The following CARMIL1 variants were observed in gnomAD, a reference collection of about 807,000 sequenced individuals.
CARMIL1 encodes capping protein regulator and myosin 1 linker 1, also known as F-actin-uncapping protein LRRC16A.
Under a neutral mutation model 177.1 loss-of-function variants are expected in CARMIL1, and 90 were observed. That is an observed-to-expected ratio of 0.51 (90% CI 0.43 to 0.61). The LOEUF (loss-of-function observed/expected upper bound fraction) is 0.61. Ranked by LOEUF, CARMIL1 falls within the 20% of genes least tolerant of loss-of-function variation. The pLI, the probability that CARMIL1 is intolerant of heterozygous loss-of-function variation, is 0.00. For missense variants in CARMIL1, 1,380 were observed against 1,667.0 expected (o/e 0.83, Z 3.00); for synonymous variants, 577 against 606.2 (o/e 0.95, Z 0.71).
chr6:25,468,358 T>A (rs1434964092), intron 9 of CARMIL1, among the ~76,000 whole-genome samples: 2 of 152,324 alleles, frequency 1.3e-5, no homozygotes, highest in Middle Eastern at 3.4e-3. Context: ...CTTTAGGGAA[T>A]GACATGCTGG....
chr6:25,537,754 G>A, intron 24 of CARMIL1, 101 bp from the exon 25 acceptor site: 1 of 1,407,066 alleles, frequency 7.1e-7, no homozygotes, highest in Non-Finnish European at 9.7e-7. Context: ...GCATTCTGTG[G>A]TTTGCTGAAG....
rs1363912656 is a variant in CARMIL1 at position 25,390,309 on chromosome 6, TATATATA to T, written c.139-29804_139-29798del. Reference sequence around the variant, plus strand: ...ATATATTTACATATATATATATATATATATATATATATTTTTTTTTTTTTTTTTTTGA... The same window carrying T: ...ATATATTTACATATATATATATATATTATATTTTTTTTTTTTTTTTTTTGA... On this transcript the variant is annotated intron_variant, in intron 2 of 36. Transcript: ENST00000329474. Among the ~76,000 whole-genome samples the T allele has an allele frequency of 8.1e-3, 518 of 64,064 alleles. 12 individuals carry two copies. The highest frequency in any genetic ancestry group is 0.034 in the South Asian group (68 of 1,974). The allele number at this position is 64,064 out of a possible 152,430, so 42.0% of individuals were successfully genotyped here.
At chr6:25,440,572 A>G (rs547803230) in intron 5 of CARMIL1, among the ~76,000 whole-genome samples, 2 of 152,242 alleles carry the variant, frequency 1.3e-5, no homozygotes, top group East Asian at 1.9e-4. Flanking sequence ...GAAACGTACA[A>G]TTTTATTGGT....
intron 24 of CARMIL1, among the ~76,000 whole-genome samples, chr6:25,537,558 G>A (rs568645091): frequency 6.6e-6 from 1 of 152,222 alleles, no homozygotes; most frequent in African/African-American, 2.4e-5. Context: ...GAATCATCAA[G>A]AAGTGTTCAC....
intron 25 of CARMIL1, 135 bp from the exon 26 acceptor site, chr6:25,539,812 A>G (rs1252172622): frequency 1.7e-5 from 10 of 581,382 alleles, no homozygotes; most frequent in Non-Finnish European, 2.2e-5. Flanking sequence ...CAGTTTATTA[A>G]TCTGTGCAAA....
chr6:25,565,691 A>G (rs1811496171), intron 29 of CARMIL1, among the ~76,000 whole-genome samples: 1 of 152,152 alleles, frequency 6.6e-6, no homozygotes, highest in African/African-American at 2.4e-5. Context: ...CTAAAAATAC[A>G]AAAATTAGCT....
At position 25,375,667 on chromosome 6, in the gene CARMIL1, A is replaced by C. The variant is rs1283179603; in HGVS notation, c.139-44447A>C. On this transcript the variant is annotated intron_variant, in intron 2 of 36. Coordinates refer to ENST00000329474, the MANE Select transcript of CARMIL1 (RefSeq NM_017640.6). ...TTTTACATAATCTCATATTTCTTGG[A>C]GACTTTGTTCATTTCTTTTAATTCT... 2.0e-5 allele frequency among the ~76,000 whole-genome samples: 3 copies of C among 152,110 alleles called. No individual in the cohort carries two copies. In the East Asian group the frequency reaches 5.8e-4, roughly 29 times the overall value.
intron 2 of CARMIL1, among the ~76,000 whole-genome samples, chr6:25,287,934 C>G (rs1052076879): frequency 2.6e-4 from 40 of 152,100 alleles, no homozygotes; most frequent in African/African-American, 9.7e-4. Flanking sequence ...CTGCTGTGTC[C>G]CAGGCACATG....
intron 35 of CARMIL1, among the ~76,000 whole-genome samples, 173 bp downstream of exon 35, chr6:25,606,446 G>T (rs1209637360): frequency 6.6e-6 from 1 of 152,204 alleles, no homozygotes; most frequent in Non-Finnish European, 1.5e-5. Flanking sequence ...AGAGCTGACG[G>T]ATTCTTTTAT....
chr6:25,393,081 G>T (rs1446460635), intron 2 of CARMIL1, among the ~76,000 whole-genome samples: 1 of 152,000 alleles, frequency 6.6e-6, no homozygotes, highest in Non-Finnish European at 1.5e-5. Context: ...TTCTGGCGGT[G>T]GGAAGGATGC....
chr6:25,458,689 A>T (rs551001802), intron 8 of CARMIL1, among the ~76,000 whole-genome samples: 1 of 152,208 alleles, frequency 6.6e-6, no homozygotes, highest in East Asian at 1.9e-4. Context: ...ATGACAGCAC[A>T]GTGGTTAAGA....
In CARMIL1 at chr6:25,328,837, A is replaced by T. The variant is rs1014989271; in HGVS notation, c.138+43928A>T. On this transcript the variant is annotated intron_variant, in intron 2 of 36. Coordinates refer to ENST00000329474, the MANE Select transcript of CARMIL1 (RefSeq NM_017640.6). ...TTAAAAATTTAAAAAAAATGCAATG[A>T]GAGGGGAAAAAAATCTCCTGGATTG... is the stretch of plus-strand genomic sequence containing the variant. Among the ~76,000 whole-genome samples, 12 of 82,602 alleles carry T rather than the reference A, an allele frequency of 1.5e-4. No individual in the cohort carries two copies. The South Asian group carries it at 4.1e-3, about 28-fold the overall frequency. 54.2% of individuals were successfully genotyped at this position (82,602 alleles called of 152,430 possible).
intron 2 of CARMIL1, among the ~76,000 whole-genome samples, chr6:25,400,499 AT>A (rs1314751675): frequency 6.6e-6 from 1 of 152,184 alleles, no homozygotes. Context: ...TTGTTGTAAA[AT>A]GCTCTATAGA....
intron 2 of CARMIL1, among the ~76,000 whole-genome samples, chr6:25,341,460 A>G (rs1369290967): frequency 6.6e-6 from 1 of 152,238 alleles, no homozygotes; most frequent in Non-Finnish European, 1.5e-5. Context: ...ATGGTGGCTC[A>G]TGCCTATAAT....
At chr6:25,420,428 G>C (rs758549504) in intron 3 of CARMIL1, 7 of 385,244 alleles carry the variant, frequency 1.8e-5, no homozygotes, top group Non-Finnish European at 2.8e-5. Flanking sequence ...CCCTCTCTTT[G>C]TGTAAAGGCA....
chr6:25,464,108 C>T (rs949241818), intron 8 of CARMIL1, among the ~76,000 whole-genome samples: 1 of 152,064 alleles, frequency 6.6e-6, no homozygotes, highest in African/African-American at 2.4e-5. Flanking sequence ...AGGCGTGAGC[C>T]ACTGCGCCCG....
chr6:25,516,068 T>C (rs1805962267), intron 21 of CARMIL1, among the ~76,000 whole-genome samples: 1 of 152,184 alleles, frequency 6.6e-6, no homozygotes, highest in Admixed American at 6.5e-5. Flanking sequence ...AGTTCTGTTG[T>C]AAGGTAGAAC....
rs371415648 is a variant in CARMIL1 at position 25,303,708 on chromosome 6, A to G, written c.138+18799A>G. On this transcript the variant is annotated intron_variant, in intron 2 of 36. Coordinates refer to ENST00000329474, the MANE Select transcript of CARMIL1 (RefSeq NM_017640.6). ...GCCATATCTGCTTTAACGCTGTACA[A>G]ATTAGCCAACTGGAGAAATATATGT... 1.4e-3 allele frequency among the ~76,000 whole-genome samples: 213 copies of G among 152,348 alleles called. 1 individual carries two copies. Among genetic ancestry groups the G allele is most frequent in the Admixed American group, 2.9e-3 (44 of 15,310 alleles).
intron 11 of CARMIL1, among the ~76,000 whole-genome samples, chr6:25,474,733 CAG>C (rs1363602289): frequency 6.6e-6 from 1 of 152,166 alleles, no homozygotes; most frequent in East Asian, 1.9e-4. Flanking sequence ...TTAGATACTA[CAG>C]AGAGGTGAAT....
Sources: gnomAD v4.1 joint callset for allele counts (sites outside exome capture counted in the v4.1 genomes callset) on GRCh38, gnomAD v4.1.1 for gene constraint, MANE v1.5 for transcripts, NCBI Gene and HGNC (gene_info 2026-07-23, HGNC 2026-07-21) for gene names.